SLC7A5: variants seen among roughly 807,000 people sequenced by gnomAD.
SLC7A5 encodes large neutral amino acids transporter small subunit 1.
In SLC7A5, 23 loss-of-function variants were observed where a neutral mutation model predicts 50.2. The observed-to-expected ratio is 0.46, with a 90% confidence interval of 0.33 to 0.65. The LOEUF (loss-of-function observed/expected upper bound fraction) is 0.65, where lower values mean the gene tolerates loss of function less well. Ranked by LOEUF, SLC7A5 falls within the 30% of genes least tolerant of loss-of-function variation. The pLI is 0.02. For missense variants in SLC7A5, 578 were observed against 684.4 expected, an observed-to-expected ratio of 0.84 and a Z score of 1.73; for synonymous variants, 393 against 330.6, an observed-to-expected ratio of 1.19 and a Z score of -2.05.
At chr16:87,834,719 G>A (rs1358902988) in intron 8 of SLC7A5, 128 bp from the exon 9 acceptor site, 5 of 910,306 alleles carry the variant, frequency 5.5e-6, no homozygotes, top group Admixed American at 2.0e-5. Context: ...ACCAAGATGC[G>A]ATCTGCACTC....
At chr16:87,864,017 T>TA (rs2055431656) in intron 1 of SLC7A5, among the ~76,000 whole-genome samples, 1 of 17,910 alleles carries the variant, frequency 5.6e-5, no homozygotes, top group Non-Finnish European at 1.9e-4. Context: ...ATCAGCCGAG[T>TA]AGGCTGACTC....
intron 1 of SLC7A5, among the ~76,000 whole-genome samples, chr16:87,856,232 C>CCG (rs2055318330): frequency 6.6e-6 from 1 of 152,242 alleles, no homozygotes; most frequent in Admixed American, 6.5e-5. Context: ...AGGCTGTGTT[C>CCG]CGCGCACGGT....
At chr16:87,849,937 G>A (rs929842128) in intron 2 of SLC7A5, among the ~76,000 whole-genome samples, 1 of 152,294 alleles carries the variant, frequency 6.6e-6, no homozygotes, top group Non-Finnish European at 1.5e-5. Flanking sequence ...CGACGATGAG[G>A]CAGGTAACTA....
chr16:87,835,852 C>A (rs1005156493), intron 8 of SLC7A5, among the ~76,000 whole-genome samples: 1 of 152,232 alleles, frequency 6.6e-6, no homozygotes, highest in Non-Finnish European at 1.5e-5. Context: ...ATGGTCCGGG[C>A]AGGGAAGCAG....
In SLC7A5 at chr16:87,841,295, T is replaced by C; in HGVS notation, c.665-140A>G. The C allele has an allele frequency of 4.4e-6, 3 of 680,068 alleles. No individual in the cohort carries two copies. Among genetic ancestry groups the C allele is most frequent in the Non-Finnish European group, 8.1e-6 (3 of 370,294 alleles). 42.1% of individuals were successfully genotyped at this position (680,068 alleles called of 1,614,324 possible). On this transcript the variant is annotated intron_variant, in intron 2 of 9. Transcript: ENST00000261622. This position sits in a 1 kb window ranked among gnomAD's most constrained non-coding sequence, Gnocchi z 4.8. ...AGGCTTTTCACTGTGACAAATGGTA[T>C]GTACCTGCTGAGCCACATGGAGGGT...
In SLC7A5 at chr16:87,844,309, C is replaced by G. The variant is rs77381332; in HGVS notation, c.665-3154G>C. Among the ~76,000 whole-genome samples, 230 of 152,336 alleles carry G rather than the reference C, an allele frequency of 1.5e-3. 1 individual carries two copies. The highest frequency in any genetic ancestry group is 5.2e-3 in the African/African-American group (218 of 41,578). On this transcript the variant is annotated intron_variant, in intron 2 of 9. Transcript: ENST00000261622. ...GCCGCGGCGACCCCGGCACAGCAGC[C>G]CTGTCAGCAGGATTCCCCCGAGAGC...
At chr16:87,867,202 G>A (rs557865150) in intron 1 of SLC7A5, among the ~76,000 whole-genome samples, 4 of 152,346 alleles carry the variant, frequency 2.6e-5, no homozygotes, top group African/African-American at 9.6e-5. Flanking sequence ...TTATAGGCGT[G>A]GGCCATCACA....
intron 1 of SLC7A5, among the ~76,000 whole-genome samples, chr16:87,859,328 G>T (rs2055358897): frequency 6.6e-6 from 1 of 152,204 alleles, no homozygotes; most frequent in South Asian, 2.1e-4. Flanking sequence ...AGAACCCTCA[G>T]GCTCTGAAGC....
At position 87,869,093 on chromosome 16, in the gene SLC7A5, G is replaced by T; in HGVS notation, c.330C>A (p.Ile110=). Residue 110 remains isoleucine (I), a synonymous_variant, in exon 1 of 10, where the codon ATC becomes ATA. Transcript: ENST00000261622. ...ALCYAELGTT[I]SKSGGDYAYM... ...AGGCGTAGTCGCCGCCCGATTTGGAGATGGTGGTGCCGAGCTCCGCGTAGC... is the reference window on the plus strand; with the variant it reads ...AGGCGTAGTCGCCGCCCGATTTGGATATGGTGGTGCCGAGCTCCGCGTAGC... The T allele has an allele frequency of 1.9e-6, 3 of 1,611,876 alleles. No homozygotes were observed. The highest frequency in any genetic ancestry group is 2.5e-6 in the Non-Finnish European group (3 of 1,179,778).
At chr16:87,868,121 A>AAG (rs2055486292) in intron 1 of SLC7A5, among the ~76,000 whole-genome samples, 1 of 144,468 alleles carries the variant, frequency 6.9e-6, no homozygotes, top group African/African-American at 2.8e-5. Flanking sequence ...GTGTCAAAAA[A>AAG]AAAAAAAAAA....
At chr16:87,868,457 T>C (rs2055490759) in intron 1 of SLC7A5, among the ~76,000 whole-genome samples, 1 of 150,070 alleles carries the variant, frequency 6.7e-6, no homozygotes, top group Non-Finnish European at 1.5e-5. Flanking sequence ...AAATGAATGA[T>C]TTTTTTTTTA....
intron 1 of SLC7A5, among the ~76,000 whole-genome samples, chr16:87,863,986 A>ATATATATATATATATAT (rs2055429223): frequency 1.2e-5 from 1 of 83,280 alleles, no homozygotes; most frequent in Non-Finnish European, 2.5e-5. Flanking sequence ...ATCATTTAAA[A>ATATATATATATATATAT]ATATATATAT....
chr16:87,867,922 T>G (rs1254364886), intron 1 of SLC7A5, among the ~76,000 whole-genome samples: 2 of 152,004 alleles, frequency 1.3e-5, no homozygotes, highest in East Asian at 3.9e-4. Flanking sequence ...GAGACCATCC[T>G]GGCTAACACG....
rs1438013947 is a variant in SLC7A5, at chr16:87,841,465, C to T, written c.665-310G>A. On this transcript the variant is annotated intron_variant, in intron 2 of 9. Coordinates refer to ENST00000261622, the MANE Select transcript of SLC7A5 (RefSeq NM_003486.7). The surrounding 1 kb of genome is among the most constrained non-coding windows in gnomAD (Gnocchi z 4.8). ...AGGTCAGGATGGAGGGGTCAACCAGCCCCAGTTGCCTTCAAGAAGGTTCCC... is the reference window on the plus strand; with the variant it reads ...AGGTCAGGATGGAGGGGTCAACCAGTCCCAGTTGCCTTCAAGAAGGTTCCC... Among the ~76,000 whole-genome samples, 3 of 152,212 alleles carry T rather than the reference C, an allele frequency of 2.0e-5. No homozygotes were observed. The South Asian group carries it at 6.2e-4, about 32-fold the overall frequency.
rs772668474 is a variant in SLC7A5, at chr16:87,868,842, G to C, written c.538+43C>G. The stretch of plus-strand genomic sequence containing the variant: ...AGTGATGCAAGGATGCAGGGACCCA[G>C]AGACTACGACCTCCCAACCCCCGGC... On this transcript the variant is annotated intron_variant, in intron 1 of 9. Coordinates refer to ENST00000261622, the MANE Select transcript of SLC7A5 (RefSeq NM_003486.7). 16 of 1,556,896 alleles carry C rather than the reference G, an allele frequency of 1.0e-5. No homozygotes were observed. In the Admixed American group the frequency reaches 2.7e-4, roughly 26 times the overall value.
At chr16:87,835,458 G>C (rs959714327) in intron 8 of SLC7A5, among the ~76,000 whole-genome samples, 4 of 152,204 alleles carry the variant, frequency 2.6e-5, no homozygotes, top group Admixed American at 6.5e-5. Context: ...GGCAGCATCT[G>C]GGTTCTTGTG....
rs911765559 is a variant in SLC7A5, at chr16:87,833,535, C to G, written c.1469-510G>C. 5.3e-5 allele frequency among the ~76,000 whole-genome samples: 8 copies of G among 152,196 alleles called. No individual in the cohort carries two copies. Among genetic ancestry groups the G allele is most frequent in the African/African-American group, 1.9e-4 (8 of 41,456 alleles). ...CTTTCAGGATAGAGACGGGGGTTTG[C>G]TTTAAGCTCTTGGTGTCCTGAATGA... On this transcript the variant is annotated intron_variant, in intron 9 of 9. Transcript: ENST00000261622. The surrounding 1 kb of genome is among the most constrained non-coding windows in gnomAD (Gnocchi z 6.0).
At position 87,851,640 on chromosome 16, in the gene SLC7A5, C is replaced by G. The variant is rs139531835; in HGVS notation, c.664+84G>C. On this transcript the variant is annotated intron_variant, in intron 2 of 9. Coordinates refer to ENST00000261622, the MANE Select transcript of SLC7A5 (RefSeq NM_003486.7). ...TGCAGAGCTGCGGACTGGGAGGCACCCGGGGACGGGACCTCATGCCCTGTG... is the reference window on the plus strand; with the variant it reads ...TGCAGAGCTGCGGACTGGGAGGCACGCGGGGACGGGACCTCATGCCCTGTG... The G allele has an allele frequency of 9.5e-4, 1,454 of 1,537,808 alleles. 24 individuals are homozygous for G. In the African/African-American group the frequency reaches 0.017, roughly 18 times the overall value.
intron 7 of SLC7A5, chr16:87,836,949 G>A (rs2055013602): frequency 2.0e-5 from 9 of 454,354 alleles, no homozygotes; most frequent in Admixed American, 1.4e-4. Context: ...AGAACACAGT[G>A]TACATACACA....
Sources: gnomAD v4.1 joint callset for allele counts (sites outside exome capture counted in the v4.1 genomes callset) on GRCh38, gnomAD v4.1.1 for gene constraint, Gnocchi (gnomAD v3.1) non-coding constraint, MANE v1.5 for transcripts, NCBI Gene and HGNC (gene_info 2026-07-23, HGNC 2026-07-21) for gene names.